Variants in WWOX observed in about 807,000 individuals in gnomAD.
WWOX encodes the protein WW domain containing oxidoreductase.
A neutral mutation model predicts 46.2 loss-of-function variants in WWOX; 69 were observed. The ratio of observed to expected loss-of-function variants is 1.49; its 90% CI spans 1.23 to 1.82. WWOX has a LOEUF of 1.82. Among genes scored for constraint, WWOX ranks in the 40% most tolerant of loss-of-function variants. WWOX has a pLI of 0.00. For missense variants in WWOX, 919 were observed against 542.6 expected (o/e 1.69, Z -6.89); for synonymous variants, 359 against 202.6 (o/e 1.77, Z -6.56).
chr16:78,258,481 G>A (rs969377824), intron 5 of WWOX, among the ~76,000 whole-genome samples: 2 of 151,934 alleles, frequency 1.3e-5, no homozygotes, highest in African/African-American at 4.8e-5. Context: ...TGCTACGAGG[G>A]GTAATCTGTG....
At chr16:78,625,580 T>C (rs967128418) in intron 8 of WWOX, among the ~76,000 whole-genome samples, 5 of 152,040 alleles carry the variant, frequency 3.3e-5, no homozygotes, top group Admixed American at 2.6e-4. Context: ...TCTTATGTTA[T>C]TTGGTACATT....
chr16:78,248,930 C>T (rs1341359842), intron 5 of WWOX, among the ~76,000 whole-genome samples: 1 of 141,406 alleles, frequency 7.1e-6, no homozygotes, highest in Non-Finnish European at 1.5e-5. Context: ...GATCTTGGCT[C>T]ACTGCAAGCT....
chr16:78,556,548 G>C (rs994530943), intron 8 of WWOX, among the ~76,000 whole-genome samples: 1 of 152,064 alleles, frequency 6.6e-6, no homozygotes, highest in Non-Finnish European at 1.5e-5. Context: ...CAATGGAAAT[G>C]GGTCTTGAAA....
At chr16:78,571,632 T>A (rs1443021315) in intron 8 of WWOX, among the ~76,000 whole-genome samples, 1 of 151,726 alleles carries the variant, frequency 6.6e-6, no homozygotes, top group African/African-American at 2.4e-5. Context: ...ACTTAAGGAG[T>A]CCAAGGCAGG....
rs541409132 is a variant in WWOX, at chr16:78,945,214, G to T, written c.1057-266394G>T. Among the ~76,000 whole-genome samples, 10 of 152,190 alleles carry T rather than the reference G, an allele frequency of 6.6e-5. No individual in the cohort carries two copies. In the South Asian group the frequency reaches 2.1e-3, roughly 32 times the overall value. Reference sequence around the variant, plus strand: ...AAAAGAAAAAGAAAGAAAAAGCTTTGCCTGTATATGTAGAACAAATGAAAA... The same window carrying T: ...AAAAGAAAAAGAAAGAAAAAGCTTTTCCTGTATATGTAGAACAAATGAAAA... On this transcript the variant is annotated intron_variant, in intron 8 of 8. Transcript: ENST00000566780.
At chr16:78,755,483 G>A (rs2049620851) in intron 8 of WWOX, among the ~76,000 whole-genome samples, 1 of 152,020 alleles carries the variant, frequency 6.6e-6, no homozygotes, top group South Asian at 2.1e-4. Flanking sequence ...GATGAGGGAG[G>A]AACAAAGATG....
intron 5 of WWOX, among the ~76,000 whole-genome samples, chr16:78,223,203 G>A (rs1170950352): frequency 6.6e-6 from 1 of 152,084 alleles, no homozygotes; most frequent in Non-Finnish European, 1.5e-5. Context: ...GCCCATCAAG[G>A]GACACTTGTC....
At chr16:78,703,285 G>C (rs1407159017) in intron 8 of WWOX, among the ~76,000 whole-genome samples, 1 of 152,112 alleles carries the variant, frequency 6.6e-6, no homozygotes, top group African/African-American at 2.4e-5. Context: ...TCATAAGTCA[G>C]CTTCTCTCCC....
intron 5 of WWOX, among the ~76,000 whole-genome samples, chr16:78,243,956 G>A (rs2037738978): frequency 6.6e-6 from 1 of 152,224 alleles, no homozygotes; most frequent in Non-Finnish European, 1.5e-5. Flanking sequence ...TTAAGATAAT[G>A]AAGCTCCTGT....
intron 8 of WWOX, among the ~76,000 whole-genome samples, chr16:79,029,400 C>T: frequency 6.6e-6 from 1 of 152,190 alleles, no homozygotes; most frequent in South Asian, 2.1e-4. Context: ...TCATGTCCAT[C>T]AGCACCATTG....
chr16:78,952,703 T>G (rs1257536940), intron 8 of WWOX, among the ~76,000 whole-genome samples: 7 of 152,162 alleles, frequency 4.6e-5, no homozygotes, highest in Non-Finnish European at 8.8e-5. Flanking sequence ...GTTTGTTTAT[T>G]AATTCCTATT....
rs562120363 is a variant in WWOX, at chr16:79,084,659, C to T, written c.1057-126949C>T. ...TGGACTCCTGGCCTCGTGATGCACC[C>T]GCATCGGCCTCCCAAAGTGCTGGGA... is the stretch of plus-strand genomic sequence containing the variant. On this transcript the variant is annotated intron_variant, in intron 8 of 8. Transcript: ENST00000566780. Among the ~76,000 whole-genome samples, 18 of 152,270 alleles carry T rather than the reference C, an allele frequency of 1.2e-4. No individual in the cohort carries two copies. In the South Asian group the frequency reaches 3.1e-3, roughly 26 times the overall value.
At chr16:78,770,927 T>C (rs560323127) in intron 8 of WWOX, among the ~76,000 whole-genome samples, 1 of 152,378 alleles carries the variant, frequency 6.6e-6, no homozygotes, top group East Asian at 1.9e-4. Context: ...AGAATTATTA[T>C]GTGTGCTGTT....
chr16:79,024,403 T>G (rs966192700), intron 8 of WWOX, among the ~76,000 whole-genome samples: 5 of 152,036 alleles, frequency 3.3e-5, no homozygotes, highest in Non-Finnish European at 4.4e-5. Context: ...AGACTACAGG[T>G]GCGTGCTACC....
chr16:78,797,528 T>C (rs867947738), intron 8 of WWOX, among the ~76,000 whole-genome samples: 1 of 152,106 alleles, frequency 6.6e-6, no homozygotes, highest in South Asian at 2.1e-4. Context: ...CCAGCCAGGA[T>C]TGAGGCACTG....
intron 8 of WWOX, among the ~76,000 whole-genome samples, chr16:78,595,227 C>T (rs1365081081): frequency 6.6e-6 from 1 of 152,106 alleles, no homozygotes; most frequent in Non-Finnish European, 1.5e-5. Flanking sequence ...ATATTCCTGC[C>T]AGCAGGTTTA....
intron 8 of WWOX, among the ~76,000 whole-genome samples, chr16:78,674,278 C>CTTTTTTTTTTTTTTTTTTTTTTT (rs11386735): frequency 2.9e-5 from 4 of 138,716 alleles, no homozygotes; most frequent in Non-Finnish European, 3.1e-5. Context: ...ACCAGTTCAT[C>CTTTTTTTTTTTTTTTTTTTTTTT]TTTTTTTTTT....
chr16:79,061,416 T>G (rs777794689), intron 8 of WWOX, among the ~76,000 whole-genome samples: 10 of 152,078 alleles, frequency 6.6e-5, no homozygotes, highest in Non-Finnish European at 1.2e-4. Context: ...GTGCAGTGAG[T>G]GTGGGAGGAC....
chr16:78,914,400 G>A (rs993634085), intron 8 of WWOX, among the ~76,000 whole-genome samples: 5 of 152,170 alleles, frequency 3.3e-5, no homozygotes, highest in Middle Eastern at 6.8e-3. Flanking sequence ...GAGTGAATGA[G>A]GGAGTGAATG....
Sources: gnomAD v4.1 joint callset for allele counts (sites outside exome capture counted in the v4.1 genomes callset) on GRCh38, gnomAD v4.1.1 for gene constraint, MANE v1.5 for transcripts, NCBI Gene and HGNC (gene_info 2026-07-23, HGNC 2026-07-21) for gene names.